Variants in MECOM observed in about 807,000 individuals in gnomAD.
MECOM encodes the protein MDS1 and EVI1 complex locus.
A neutral mutation model predicts 116.3 loss-of-function variants in MECOM; 13 were observed. The observed-to-expected ratio is 0.11, with a 90% CI of 0.07 to 0.18. The LOEUF (loss-of-function observed/expected upper bound fraction) is 0.18. Ranked by LOEUF, MECOM falls within the 10% of genes least tolerant of loss-of-function variation. The pLI, the probability that MECOM is intolerant of heterozygous loss-of-function variation, is 1.00. For synonymous variants in MECOM, 528 were observed against 535.2 expected, an observed-to-expected ratio of 0.99 and a Z score of 0.19; for missense variants, 1,299 against 1,509.0, an observed-to-expected ratio of 0.86 and a Z score of 2.31.
chr3:169,404,755 C>G (rs1457888494), intron 1 of MECOM, among the ~76,000 whole-genome samples: 1 of 152,152 alleles, frequency 6.6e-6, no homozygotes, highest in Non-Finnish European at 1.5e-5. Context: ...TCACCCAGCG[C>G]ACAAGTATGA....
At chr3:169,100,858 G>A (rs1281526973) in intron 12 of MECOM, 27 bp downstream of exon 12, 1 of 1,331,752 alleles carries the variant, frequency 7.5e-7, no homozygotes, top group African/African-American at 1.5e-5. Flanking sequence ...TATTTATCAA[G>A]ATATTTAGCA....
intron 1 of MECOM, among the ~76,000 whole-genome samples, chr3:169,417,612 A>G (rs1463639386): frequency 1.3e-5 from 2 of 151,716 alleles, no homozygotes; most frequent in African/African-American, 4.8e-5. Context: ...TACTGGGTAT[A>G]TACCCAAAGG....
intron 2 of MECOM, among the ~76,000 whole-genome samples, chr3:169,279,790 T>C (rs941683913): frequency 2.0e-5 from 3 of 151,976 alleles, no homozygotes; most frequent in African/African-American, 7.2e-5. Flanking sequence ...TGTTTTGTTT[T>C]CTTTTTTTAA....
chr3:169,169,988 A>C (rs753307172), intron 2 of MECOM, among the ~76,000 whole-genome samples: 4 of 152,194 alleles, frequency 2.6e-5, no homozygotes, highest in Non-Finnish European at 5.9e-5. Flanking sequence ...TGAAATCCCC[A>C]GACTATCACA....
chr3:169,624,111 G>T (rs1244033186), intron 1 of MECOM, among the ~76,000 whole-genome samples: 1 of 152,172 alleles, frequency 6.6e-6, no homozygotes, highest in Non-Finnish European at 1.5e-5. Context: ...TTCAGTCTGG[G>T]CCTGACACAT....
At chr3:169,621,468 A>G (rs1440503828) in intron 1 of MECOM, among the ~76,000 whole-genome samples, 1 of 152,150 alleles carries the variant, frequency 6.6e-6, no homozygotes, top group Non-Finnish European at 1.5e-5. Flanking sequence ...CAAAAAATAA[A>G]CAAGCTGGCC....
rs1158133036 is a variant in MECOM, at chr3:169,588,138, T to C, written c.37+75198A>G. On this transcript the variant is annotated intron_variant, in intron 1 of 16. Transcript: ENST00000651503. ...ACCTGGATATGTAGAGTATCTTTCA[T>C]CTTCAAAGTAGTTTCTATATCTTCT... is the stretch of plus-strand genomic sequence containing the variant. Among the ~76,000 whole-genome samples, 3 of 152,180 alleles carry C rather than the reference T, an allele frequency of 2.0e-5. No homozygotes were observed. The East Asian group carries it at 5.8e-4, about 29-fold the overall frequency.
At chr3:169,211,334 A>C (rs549535376) in intron 2 of MECOM, among the ~76,000 whole-genome samples, 1 of 152,176 alleles carries the variant, frequency 6.6e-6, no homozygotes, top group South Asian at 2.1e-4. Context: ...CAAAAAGAAA[A>C]ATTAAACACA....
chr3:169,638,100 G>A (rs1357661935), intron 1 of MECOM, among the ~76,000 whole-genome samples: 1 of 152,114 alleles, frequency 6.6e-6, no homozygotes, highest in African/African-American at 2.4e-5. Flanking sequence ...CAAGTTGCAA[G>A]GCTTGATAAT....
chr3:169,397,648 G>C (rs1735216902), intron 1 of MECOM, among the ~76,000 whole-genome samples: 2 of 152,312 alleles, frequency 1.3e-5, no homozygotes, highest in Admixed American at 1.3e-4. Context: ...ATGAACATGA[G>C]ACAGATATTC....
At chr3:169,577,365 ATAAT>A (rs1166236010) in intron 1 of MECOM, among the ~76,000 whole-genome samples, 1 of 152,220 alleles carries the variant, frequency 6.6e-6, no homozygotes, top group African/African-American at 2.4e-5. Flanking sequence ...AAGCTGCTTT[ATAAT>A]TAATAAAAAT....
intron 1 of MECOM, among the ~76,000 whole-genome samples, chr3:169,433,639 G>GAGAAAGAAAGAAAGAAAGAAAGAAAGAA (rs748166969): frequency 3.2e-5 from 4 of 126,952 alleles, no homozygotes; most frequent in Admixed American, 8.0e-5. Context: ...GAAAGAGAAA[G>GAGAAAGAAAGAAAGAAAGAAAGAAAGAA]AGAAAGAAAG....
chr3:169,411,684 T>C (rs1363536960), intron 1 of MECOM, among the ~76,000 whole-genome samples: 1 of 152,222 alleles, frequency 6.6e-6, no homozygotes, highest in African/African-American at 2.4e-5. Context: ...ACACCTTACA[T>C]AAATATTTAT....
chr3:169,419,812 T>C (rs905826915), intron 1 of MECOM, among the ~76,000 whole-genome samples: 1 of 151,962 alleles, frequency 6.6e-6, no homozygotes, highest in African/African-American at 2.4e-5. Context: ...ATCATCAGAG[T>C]GAACAAGCAA....
At chr3:169,629,122 T>A (rs996357285) in intron 1 of MECOM, among the ~76,000 whole-genome samples, 1 of 33,578 alleles carries the variant, frequency 3.0e-5, no homozygotes, top group African/African-American at 7.1e-5. Context: ...TGCTTGAAAT[T>A]TTTTTTTTTT....
At chr3:169,196,463 C>G (rs1050393344) in intron 2 of MECOM, among the ~76,000 whole-genome samples, 31 of 152,022 alleles carry the variant, frequency 2.0e-4, no homozygotes, top group Non-Finnish European at 1.5e-4. Flanking sequence ...AAAGCTTTAA[C>G]ATGAGGCATG....
intron 1 of MECOM, among the ~76,000 whole-genome samples, chr3:169,607,625 T>G (rs886588423): frequency 2.7e-4 from 41 of 152,232 alleles, no homozygotes; most frequent in Non-Finnish European, 5.0e-4. Flanking sequence ...TAAGCTGGCA[T>G]GGAACAATCT....
chr3:169,261,971 G>T (rs915356757), intron 2 of MECOM, among the ~76,000 whole-genome samples: 4 of 152,146 alleles, frequency 2.6e-5, no homozygotes. Flanking sequence ...CCTAGTCTTT[G>T]CAGGAAAAAG....
At chr3:169,338,022 G>C (rs532930465) in intron 2 of MECOM, among the ~76,000 whole-genome samples, 1 of 152,158 alleles carries the variant, frequency 6.6e-6, no homozygotes, top group African/African-American at 2.4e-5. Context: ...GAATTCATAA[G>C]TGCTGCATAT....
Sources: gnomAD v4.1 joint callset for allele counts (sites outside exome capture counted in the v4.1 genomes callset) on GRCh38, gnomAD v4.1.1 for gene constraint, MANE v1.5 for transcripts, NCBI Gene and HGNC (gene_info 2026-07-23, HGNC 2026-07-21) for gene names.